The following EFCC1 variants were observed in gnomAD, a reference collection of about 807,000 sequenced individuals.
EFCC1 encodes EF-hand and coiled-coil domain-containing protein 1.
In EFCC1, 50 loss-of-function variants were observed where a neutral mutation model predicts 52.1. That is an observed-to-expected ratio of 0.96 (90% CI 0.76 to 1.21). EFCC1 has a LOEUF of 1.21. EFCC1 is among the 50% of genes most tolerant of loss of function. EFCC1 has a pLI of 0.00. For missense variants in EFCC1, 837 were observed against 867.3 expected, an observed-to-expected ratio of 0.97 and a Z score of 0.44; for synonymous variants, 399 against 396.5, an observed-to-expected ratio of 1.01 and a Z score of -0.08.
chr3:129,036,063 T>C (rs112540616), intron 5 of EFCC1, among the ~76,000 whole-genome samples: 1,537 of 152,378 alleles, frequency 0.01, 19 homozygotes, highest in African/African-American at 0.035. Context: ...TGATCTTGCC[T>C]GCCCAGGCAC....
In EFCC1 at chr3:129,037,084, C is replaced by G; in HGVS notation, c.1560C>G (p.Asp520Glu). The G allele has an allele frequency of 6.2e-7, 1 of 1,611,662 alleles. No homozygotes were observed. The highest frequency in any genetic ancestry group is 8.5e-7 in the Non-Finnish European group (1 of 1,179,282). The change falls in exon 6 of 8, where the codon GAC becomes GAG. Residue 520 changes from aspartate to glutamate, a missense_variant. Transcript: ENST00000683648. ...RLSLLEEKLV[D>E]VLQLLQRLRD... is the part of the protein sequence containing the mutation. ...CCCTGCTGGAGGAGAAGCTGGTGGA[C>G]GTGCTGCAGCTCCTGCAGAGGCTCC... is the stretch of plus-strand genomic sequence containing the variant.
chr3:129,012,241 C>T (rs1277199510), intron 2 of EFCC1, among the ~76,000 whole-genome samples: 1 of 152,238 alleles, frequency 6.6e-6, no homozygotes, highest in Non-Finnish European at 1.5e-5. Flanking sequence ...GTTTTAGTAC[C>T]TACCGCACAG....
rs1944788771 is a variant in EFCC1, at chr3:129,001,954, C to G, written c.326C>G (p.Thr109Ser). Residue 109 changes from threonine to serine, a missense_variant, in exon 1 of 8, where the codon ACC becomes AGC. Coordinates refer to ENST00000683648, the MANE Select transcript of EFCC1 (RefSeq NM_001377500.1). ...GGTGACGGGAACTCCAGAGATGTGA[C>G]CCCCGGGGATGCGGCCGCTGAGTTG... ...AAGDGNSRDV[T>S]PGDAAAELAT... 2 of 1,543,694 alleles carry G rather than the reference C, an allele frequency of 1.3e-6. No individual in the cohort carries two copies. The highest frequency in any genetic ancestry group is 2.8e-5 in the African/African-American group (2 of 72,164).
chr3:129,011,851 G>C (rs927663872), intron 2 of EFCC1, among the ~76,000 whole-genome samples: 3 of 152,218 alleles, frequency 2.0e-5, no homozygotes, highest in Non-Finnish European at 2.9e-5. Flanking sequence ...CTCCCAGAGA[G>C]AGGGGCCTTG....
At chr3:129,015,662 A>T (rs919090469) in intron 2 of EFCC1, among the ~76,000 whole-genome samples, 26 of 151,750 alleles carry the variant, frequency 1.7e-4, no homozygotes, top group African/African-American at 6.3e-4. Context: ...CCTGCTCAGT[A>T]AAGTTGGGGG....
chr3:129,034,478 T>A, intron 5 of EFCC1, 149 bp downstream of exon 5: 2 of 926,394 alleles, frequency 2.2e-6, no homozygotes, highest in Non-Finnish European at 3.1e-6. Context: ...GATTTAAATT[T>A]AATAAGAAAT....
At chr3:129,029,394 G>A (rs1185175964) in intron 2 of EFCC1, among the ~76,000 whole-genome samples, 1 of 152,138 alleles carries the variant, frequency 6.6e-6, no homozygotes, top group Non-Finnish European at 1.5e-5. Flanking sequence ...AAAGCCCAGA[G>A]AAGGGAGATG....
chr3:129,034,349 C>CA lies in EFCC1; in HGVS notation c.1452+23dup, dbSNP rs1361992398. The CA allele has an allele frequency of 6.2e-7, 1 of 1,612,294 alleles. No homozygotes were observed. Among genetic ancestry groups the CA allele is most frequent in the African/African-American group, 1.3e-5 (1 of 74,992 alleles). ...GAGGAGGTCAGCAGAGCCTAGAGAT[C>CA]AAAGGCTGGAGCAATTCTAGAGGAT... On this transcript the variant is annotated intron_variant, in intron 5 of 7. Coordinates refer to ENST00000683648, the MANE Select transcript of EFCC1 (RefSeq NM_001377500.1).
intron 2 of EFCC1, among the ~76,000 whole-genome samples, chr3:129,020,871 T>C (rs1174853870): frequency 6.6e-6 from 1 of 152,136 alleles, no homozygotes; most frequent in Non-Finnish European, 1.5e-5. Flanking sequence ...TGGGGCATGG[T>C]CCAGTGTGCT....
At chr3:129,031,558 G>A (rs1418641348) in intron 3 of EFCC1, among the ~76,000 whole-genome samples, 1 of 152,196 alleles carries the variant, frequency 6.6e-6, no homozygotes, top group Non-Finnish European at 1.5e-5. Flanking sequence ...AGCTGTATCA[G>A]TTAGGACATC....
intron 2 of EFCC1, among the ~76,000 whole-genome samples, chr3:129,016,481 G>A (rs1270157138): frequency 6.6e-6 from 1 of 151,622 alleles, no homozygotes; most frequent in Non-Finnish European, 1.5e-5. Flanking sequence ...TGGCAGGCAG[G>A]TGGAGCTCAT....
chr3:129,037,027 G>T lies in EFCC1; in HGVS notation c.1503G>T (p.Leu501=). ...AGAATGAGCACCTGAGGCTGGAGCT[G>T]CAGATGGTAGAGACCGAGAGGGTGC... is the stretch of plus-strand genomic sequence containing the variant. The part of the protein sequence containing the change: ...VEENEHLRLE[L]QMVETERVRL... Residue 501 remains leucine (L), a synonymous_variant, in exon 6 of 8, where the codon CTG becomes CTT. Coordinates refer to ENST00000683648, the MANE Select transcript of EFCC1 (RefSeq NM_001377500.1). 2 of 1,613,956 alleles carry T rather than the reference G, an allele frequency of 1.2e-6. No individual in the cohort carries two copies. The highest frequency in any genetic ancestry group is 8.5e-7 in the Non-Finnish European group (1 of 1,180,008).
intron 5 of EFCC1, among the ~76,000 whole-genome samples, chr3:129,036,602 G>T (rs1005881341): frequency 3.3e-5 from 5 of 152,318 alleles, no homozygotes; most frequent in African/African-American, 1.2e-4. Context: ...TAAGAGGCTT[G>T]GGACACTCCC....
At chr3:129,037,615 A>G (rs1218343922) in intron 6 of EFCC1, among the ~76,000 whole-genome samples, 3 of 152,198 alleles carry the variant, frequency 2.0e-5, no homozygotes, top group Non-Finnish European at 4.4e-5. Flanking sequence ...TGATGCAGAA[A>G]AGGAAGTCAA....
At chr3:129,013,453 C>G (rs1028967403) in intron 2 of EFCC1, among the ~76,000 whole-genome samples, 2 of 152,176 alleles carry the variant, frequency 1.3e-5, no homozygotes, top group Non-Finnish European at 2.9e-5. Flanking sequence ...GTCATGCTAC[C>G]TGGAATCTCT....
chr3:129,032,700 T>G, intron 3 of EFCC1, 119 bp from the exon 4 acceptor site: 2 of 1,408,168 alleles, frequency 1.4e-6, no homozygotes, highest in South Asian at 1.5e-5. Context: ...GGTGGCTGTC[T>G]CAAGAGGGGA....
chr3:129,011,204 C>A (rs1018120330), intron 2 of EFCC1, among the ~76,000 whole-genome samples: 30 of 152,132 alleles, frequency 2.0e-4, no homozygotes, highest in African/African-American at 7.0e-4. Context: ...TTTGAAGATT[C>A]AACTTGCTGT....
chr3:129,007,368 C>T (rs1945119086), intron 2 of EFCC1, among the ~76,000 whole-genome samples: 1 of 152,182 alleles, frequency 6.6e-6, no homozygotes, highest in Non-Finnish European at 1.5e-5. Flanking sequence ...GCCCCATGCC[C>T]CAAACAGTAG....
At chr3:129,034,114 G>T in intron 4 of EFCC1, 50 bp from the exon 5 acceptor site, 1 of 1,610,652 alleles carries the variant, frequency 6.2e-7, no homozygotes, top group East Asian at 2.2e-5. Flanking sequence ...TGGACAGAGC[G>T]GGCTCTGGGA....
Sources: gnomAD v4.1 joint callset for allele counts (sites outside exome capture counted in the v4.1 genomes callset) on GRCh38, gnomAD v4.1.1 for gene constraint, MANE v1.5 for transcripts, NCBI Gene and HGNC (gene_info 2026-07-23, HGNC 2026-07-21) for gene names.